CNTN5: variants seen among roughly 807,000 people sequenced by gnomAD.
CNTN5 encodes contactin-5.
A neutral mutation model predicts 129.1 loss-of-function variants in CNTN5; 77 were observed. The ratio of observed to expected loss-of-function variants is 0.60; its 90% CI spans 0.50 to 0.72. The LOEUF is 0.72. Ranked by LOEUF, CNTN5 falls within the 30% of genes least tolerant of loss-of-function variation. CNTN5 has a pLI of 0.00. For synonymous variants in CNTN5, 509 were observed against 465.6 expected, an observed-to-expected ratio of 1.09 and a Z score of -1.20; for missense variants, 1,478 against 1,328.8, an observed-to-expected ratio of 1.11 and a Z score of -1.75.
At chr11:100,091,126 A>AT (rs1450253353) in intron 13 of CNTN5, among the ~76,000 whole-genome samples, 1 of 152,018 alleles carries the variant, frequency 6.6e-6, no homozygotes, top group Non-Finnish European at 1.5e-5. Context: ...CTTCATGCTC[A>AT]TGAAAGTCCA....
chr11:99,870,222 G>A (rs1948466811), intron 6 of CNTN5, among the ~76,000 whole-genome samples: 1 of 151,986 alleles, frequency 6.6e-6, no homozygotes, highest in Non-Finnish European at 1.5e-5. Context: ...TTAACTGAAG[G>A]CAAAAGGTAT....
intron 3 of CNTN5, among the ~76,000 whole-genome samples, chr11:99,627,433 GAA>G (rs1951171585): frequency 6.8e-6 from 1 of 146,688 alleles, no homozygotes; most frequent in Admixed American, 7.2e-5. Flanking sequence ...TTAATGTTAC[GAA>G]ATGGAAAAAT....
At chr11:99,514,683 T>G (rs180822672) in intron 2 of CNTN5, among the ~76,000 whole-genome samples, 3 of 152,210 alleles carry the variant, frequency 2.0e-5, no homozygotes, top group Admixed American at 2.0e-4. Flanking sequence ...TTGAGGTATA[T>G]ACGTTGTTTT....
intron 21 of CNTN5, among the ~76,000 whole-genome samples, chr11:100,312,492 A>G (rs977186674): frequency 1.3e-5 from 2 of 152,038 alleles, no homozygotes; most frequent in Non-Finnish European, 2.9e-5. Flanking sequence ...AGATTTCCCT[A>G]ATTATTACTA....
intron 21 of CNTN5, among the ~76,000 whole-genome samples, chr11:100,316,269 T>G (rs1951570683): frequency 6.6e-6 from 1 of 152,208 alleles, no homozygotes; most frequent in East Asian, 1.9e-4. Context: ...TGTTGGATGA[T>G]TCATTTTTTT....
chr11:99,030,425 T>C (rs1422886125), intron 1 of CNTN5, among the ~76,000 whole-genome samples: 7 of 152,216 alleles, frequency 4.6e-5, no homozygotes, highest in African/African-American at 1.7e-4. Context: ...TGTTTGCTGA[T>C]GGTGACATGT....
chr11:100,139,843 CTG>C (rs1409206865), intron 13 of CNTN5, among the ~76,000 whole-genome samples: 2 of 151,782 alleles, frequency 1.3e-5, no homozygotes, highest in Admixed American at 6.6e-5. Context: ...GAGTGAGACT[CTG>C]TGTCCAAAAA....
chr11:99,699,392 A>G (rs1278090789), intron 3 of CNTN5, among the ~76,000 whole-genome samples: 2 of 151,534 alleles, frequency 1.3e-5, no homozygotes, highest in Non-Finnish European at 3.0e-5. Context: ...TTTAATATCT[A>G]CAGTAAAATA....
At chr11:100,062,985 G>C (rs1248472601) in intron 10 of CNTN5, among the ~76,000 whole-genome samples, 1 of 152,134 alleles carries the variant, frequency 6.6e-6, no homozygotes, top group African/African-American at 2.4e-5. Flanking sequence ...ATAAAAATCT[G>C]ATACTGAAAG....
Position 99,027,877 on chromosome 11 carries a change from G to A in CNTN5, c.-210+6607G>A, listed in dbSNP as rs765562194. On this transcript the variant is annotated intron_variant, in intron 1 of 24. Coordinates refer to ENST00000524871, the MANE Select transcript of CNTN5 (RefSeq NM_014361.4). ...AACACTGAATATTTAAAGATGGCGC[G>A]ATAAGTGTAGCAGAGATGAGGTAAA... is the stretch of plus-strand genomic sequence containing the variant. Among the ~76,000 whole-genome samples the A allele has an allele frequency of 6.6e-5, 10 of 151,594 alleles. No homozygotes were observed. In the East Asian group the frequency reaches 7.7e-4, roughly 12 times the overall value.
At chr11:100,062,140 G>A (rs1459629355) in intron 10 of CNTN5, among the ~76,000 whole-genome samples, 1 of 152,152 alleles carries the variant, frequency 6.6e-6, no homozygotes, top group Non-Finnish European at 1.5e-5. Context: ...TAATGGGTAA[G>A]TTAGGGTATT....
At chr11:99,909,202 G>A (rs1325077647) in intron 6 of CNTN5, among the ~76,000 whole-genome samples, 1 of 151,996 alleles carries the variant, frequency 6.6e-6, no homozygotes. Context: ...CCATTCATAG[G>A]TGACTGATAA....
At chr11:99,750,428 T>C (rs148022281) in intron 3 of CNTN5, among the ~76,000 whole-genome samples, 6 of 152,258 alleles carry the variant, frequency 3.9e-5, no homozygotes, top group African/African-American at 7.2e-5. Context: ...ATATTGTAAC[T>C]ACATCAGATT....
At chr11:99,990,546 A>G (rs1939015157) in intron 8 of CNTN5, among the ~76,000 whole-genome samples, 1 of 151,900 alleles carries the variant, frequency 6.6e-6, no homozygotes, top group Non-Finnish European at 1.5e-5. Context: ...TTTTTCAATC[A>G]TCCTACATAA....
chr11:100,254,336 T>C (rs1261485661), intron 16 of CNTN5, among the ~76,000 whole-genome samples: 3 of 152,216 alleles, frequency 2.0e-5, no homozygotes, highest in Non-Finnish European at 4.4e-5. Context: ...TATTATATTC[T>C]TAAGTTTAAA....
intron 3 of CNTN5, among the ~76,000 whole-genome samples, chr11:99,717,010 G>A (rs996385452): frequency 6.6e-6 from 1 of 151,966 alleles, no homozygotes; most frequent in East Asian, 1.9e-4. Context: ...ATTTAGTAGC[G>A]TTGGTGAAAT....
intron 1 of CNTN5, among the ~76,000 whole-genome samples, chr11:99,125,545 G>T (rs1380902516): frequency 6.6e-6 from 1 of 152,088 alleles, no homozygotes; most frequent in Non-Finnish European, 1.5e-5. Context: ...ACTGGAAGAG[G>T]ACAAGGATGC....
intron 18 of CNTN5, among the ~76,000 whole-genome samples, chr11:100,287,946 G>C (rs1310602742): frequency 6.6e-6 from 1 of 152,150 alleles, no homozygotes; most frequent in East Asian, 1.9e-4. Flanking sequence ...AAAAAAGGCA[G>C]GGGTTGCAAT....
intron 3 of CNTN5, among the ~76,000 whole-genome samples, chr11:99,612,986 A>G (rs531944842): frequency 6.6e-6 from 1 of 152,258 alleles, no homozygotes; most frequent in East Asian, 1.9e-4. Context: ...AGCCCAGGGA[A>G]TTGGCAGGTT....
Sources: gnomAD v4.1 joint callset for allele counts (sites outside exome capture counted in the v4.1 genomes callset) on GRCh38, gnomAD v4.1.1 for gene constraint, MANE v1.5 for transcripts, NCBI Gene and HGNC (gene_info 2026-07-23, HGNC 2026-07-21) for gene names.